Variants in PCDHGC5 observed in about 807,000 individuals in gnomAD.
The protein encoded by PCDHGC5 is protocadherin gamma-C5.
A neutral mutation model predicts 59.0 loss-of-function variants in PCDHGC5; 25 were observed. That is an observed-to-expected ratio of 0.42 (90% confidence interval 0.31 to 0.59). The LOEUF (loss-of-function observed/expected upper bound fraction) is 0.59. PCDHGC5 is among the 20% of genes least tolerant of loss of function. The pLI, the probability that PCDHGC5 is intolerant of heterozygous loss-of-function variation, is 0.13. For synonymous variants in PCDHGC5, 434 were observed against 505.5 expected, an observed-to-expected ratio of 0.86 and a Z score of 1.90; for missense variants, 1,067 against 1,206.4, an observed-to-expected ratio of 0.88 and a Z score of 1.71.
chr5:141,490,793 C>T lies in PCDHGC5; in HGVS notation c.1553C>T (p.Ala518Val), dbSNP rs2233608. 6 of 1,613,812 alleles carry T rather than the reference C, an allele frequency of 3.7e-6. No homozygotes were observed. The East Asian group carries it at 1.3e-4, about 36-fold the overall frequency. The change falls in exon 1 of 4, where the codon GCC (alanine) becomes GTC (valine). Residue 518 changes from alanine to valine, a missense_variant. Transcript: ENST00000252087. This position sits in a 1 kb window ranked among gnomAD's most constrained non-coding sequence, Gnocchi z 5.4. Reference sequence around the variant, plus strand: ...AACCCAGAGGATGGACGGATCTTTGCCCAGCGTACCTTTGACTATGAATTG... The same window carrying T: ...AACCCAGAGGATGGACGGATCTTTGTCCAGCGTACCTTTGACTATGAATTG... Reference protein sequence around the residue: ...YVNPEDGRIFAQRTFDYELLQ... With the variant: ...YVNPEDGRIFVQRTFDYELLQ...
At chr5:141,504,545 TGTTGGGGG>T in intron 2 of PCDHGC5, among the ~76,000 whole-genome samples, 1 of 151,524 alleles carries the variant, frequency 6.6e-6, no homozygotes, top group South Asian at 2.1e-4. Flanking sequence ...TCATGGCAAA[TGTTGGGGG>T]ACTGGCATTC....
intron 2 of PCDHGC5, among the ~76,000 whole-genome samples, chr5:141,497,006 T>C (rs947830895): frequency 1.3e-5 from 2 of 151,678 alleles, no homozygotes; most frequent in South Asian, 2.1e-4. Context: ...GCAGCCAACA[T>C]GGTGAAACCC....
At position 141,505,417 on chromosome 5, in the gene PCDHGC5, C is replaced by T; in HGVS notation, c.2544C>T (p.Gly848=). The change falls in exon 3 of 4, where the codon GGC becomes GGT. Residue 848 remains glycine, a synonymous_variant. Coordinates refer to ENST00000252087, the MANE Select transcript of PCDHGC5 (RefSeq NM_018929.3). ...TSGSQNGDDT[G]TWPNNQFDTE... is the part of the protein sequence containing the mutation. ...GCTCCCAAAATGGCGATGACACCGG[C>T]ACCTGGCCCAACAACCAGTTTGACA... 1 of 1,614,212 alleles carries T rather than the reference C, an allele frequency of 6.2e-7. No individual in the cohort carries two copies. Among genetic ancestry groups the T allele is most frequent in the Non-Finnish European group, 8.5e-7 (1 of 1,180,024 alleles).
Position 141,511,983 on chromosome 5 carries a change from G to C in PCDHGC5, c.*810G>C, listed in dbSNP as rs904146751. On this transcript the variant is annotated 3_prime_UTR_variant, in exon 4 of 4. Coordinates refer to ENST00000252087, the MANE Select transcript of PCDHGC5 (RefSeq NM_018929.3). ...AGGGAAGTGTGTGGATGTGGATGGT[G>C]GGGGCATGGACAAAGCTTGACACAT... 6.5e-6 allele frequency: 1 copy of C among 153,280 alleles called. No individual in the cohort carries two copies. The allele number at this position is 153,280 out of a possible 1,614,324, so 9.5% of individuals were successfully genotyped here.
Position 141,510,957 on chromosome 5 carries a change from T to C in PCDHGC5, c.2619T>C (p.Asp873=), listed in dbSNP as rs372617587. ...MILASASEAA[D]GSSTLGGGAG... ...CCTCTGTCTCTGCAGAAGCTGCTGA[T>C]GGGAGCTCCACCCTGGGAGGGGGTG... Residue 873 remains aspartate, a synonymous_variant, in exon 4 of 4, where the codon GAT becomes GAC. Transcript: ENST00000252087. 2.5e-6 allele frequency: 4 copies of C among 1,614,134 alleles called. No individual in the cohort carries two copies. The highest frequency in any genetic ancestry group is 3.4e-6 in the Non-Finnish European group (4 of 1,180,004).
chr5:141,509,595 C>T (rs968797923), intron 3 of PCDHGC5, among the ~76,000 whole-genome samples: 36 of 152,168 alleles, frequency 2.4e-4, no homozygotes, highest in African/African-American at 6.8e-4. Context: ...CTGGCAATTC[C>T]GAGAGGCTGC....
Position 141,491,906 on chromosome 5 carries a change from T to A in PCDHGC5, c.2460+206T>A, listed in dbSNP as rs1490050332. On this transcript the variant is annotated intron_variant, in intron 1 of 3. Transcript: ENST00000252087. The surrounding 1 kb of genome is among the most constrained non-coding windows in gnomAD (Gnocchi z 6.9). ...ATGGGGCTCCGAGCACCGGGGGTGG[T>A]GGCGACTGTGGGCGAGGGGAGGTGG... is the stretch of plus-strand genomic sequence containing the variant. 7.1e-7 allele frequency: 1 copy of A among 1,414,468 alleles called. No individual in the cohort carries two copies. Among genetic ancestry groups the A allele is most frequent in the African/African-American group, 1.4e-5 (1 of 69,002 alleles). 87.6% of individuals were successfully genotyped at this position (1,414,468 alleles called of 1,614,324 possible).
chr5:141,494,781 C>T, intron 1 of PCDHGC5, 26 bp from the exon 2 acceptor site: 1 of 1,614,074 alleles, frequency 6.2e-7, no homozygotes, highest in African/African-American at 1.3e-5. Flanking sequence ...GGGTACTCAG[C>T]CCCTTTCCCT....
At chr5:141,492,705 C>T (rs2099743225) in intron 1 of PCDHGC5, among the ~76,000 whole-genome samples, 1 of 152,258 alleles carries the variant, frequency 6.6e-6, no homozygotes, top group South Asian at 2.1e-4. Flanking sequence ...ACCCAGAAGC[C>T]TCGAGCAGGC....
At chr5:141,500,436 C>G (rs1318326111) in intron 2 of PCDHGC5, among the ~76,000 whole-genome samples, 2 of 151,836 alleles carry the variant, frequency 1.3e-5, no homozygotes, top group African/African-American at 2.4e-5. Flanking sequence ...GTCTCGATCT[C>G]CTGACCTCGT....
Position 141,491,586 on chromosome 5 carries a change from G to T in PCDHGC5, c.2346G>T (p.Ser782=), listed in dbSNP as rs373990387. ...ACAGGACGTGCTTTTCACCGGCCTC[G>T]GACGGCAGTGACTTCACTTTTCTAA... The part of the protein sequence containing the change: ...HCYRTCFSPA[S]DGSDFTFLRP... Residue 782 remains serine (S), a synonymous_variant, in exon 1 of 4, where the codon TCG becomes TCT. Transcript: ENST00000252087. This position sits in a 1 kb window ranked among gnomAD's most constrained non-coding sequence, Gnocchi z 6.9. 2.1e-5 allele frequency: 34 copies of T among 1,613,792 alleles called. No individual in the cohort carries two copies. In the African/African-American group the frequency reaches 2.4e-4, roughly 11 times the overall value.
intron 2 of PCDHGC5, among the ~76,000 whole-genome samples, chr5:141,501,771 G>A (rs957546749): frequency 7.2e-5 from 11 of 152,118 alleles, no homozygotes; most frequent in African/African-American, 2.7e-4. Context: ...GGTTAAAAAA[G>A]AGGTCTCTCT....
rs771124496 is a variant in PCDHGC5, at chr5:141,489,457, C to A, written c.217C>A (p.Arg73Ser). The A allele has an allele frequency of 6.2e-7, 1 of 1,613,882 alleles. No homozygotes were observed. The highest frequency in any genetic ancestry group is 8.5e-7 in the Non-Finnish European group (1 of 1,179,984). ...RLQLGSEENG[R>S]YFSLSLMSGA... is the part of the protein sequence containing the mutation. ...GCAATTGGGCTCTGAGGAGAATGGG[C>A]GCTATTTTTCCCTGAGCTTGATGAG... Residue 73 changes from arginine (R) to serine (S), a missense_variant, in exon 1 of 4, where the codon CGC (arginine) becomes AGC (serine). Coordinates refer to ENST00000252087, the MANE Select transcript of PCDHGC5 (RefSeq NM_018929.3). This position sits in a 1 kb window ranked among gnomAD's most constrained non-coding sequence, Gnocchi z 4.5.
chr5:141,496,663 G>A (rs2099770279), intron 2 of PCDHGC5, among the ~76,000 whole-genome samples: 1 of 152,196 alleles, frequency 6.6e-6, no homozygotes, highest in Admixed American at 6.5e-5. Context: ...GACCCCAGCT[G>A]TTGTCCTTCT....
Position 141,489,087 on chromosome 5 carries a change from T to TCAAA in PCDHGC5, c.-154_-153insCAAA. 4.6e-6 allele frequency: 1 copy of TCAAA among 216,106 alleles called. No individual in the cohort carries two copies. The highest frequency in any genetic ancestry group is 8.4e-6 in the Non-Finnish European group (1 of 118,736). The allele number at this position is 216,106 out of a possible 1,614,324, so 13.4% of individuals were successfully genotyped here. On this transcript the variant is annotated 5_prime_UTR_variant, in exon 1 of 4. Coordinates refer to ENST00000252087, the MANE Select transcript of PCDHGC5 (RefSeq NM_018929.3). This position sits in a 1 kb window ranked among gnomAD's most constrained non-coding sequence, Gnocchi z 4.5. The stretch of plus-strand genomic sequence containing the variant: ...CCCCCTGCCCACCCCCGCCACTCGG[T>TCAAA]GACTAAGAACTGCTGCAAGCAGGCA...
At chr5:141,495,015 G>C in intron 2 of PCDHGC5, 150 bp downstream of exon 2, 2 of 1,507,428 alleles carry the variant, frequency 1.3e-6, no homozygotes, top group East Asian at 4.9e-5. Flanking sequence ...CGGGGGGCTG[G>C]CACACAGACC....
intron 2 of PCDHGC5, among the ~76,000 whole-genome samples, chr5:141,501,102 C>G (rs951290710): frequency 2.0e-5 from 3 of 152,014 alleles, no homozygotes; most frequent in African/African-American, 4.8e-5. Flanking sequence ...CTCTTGACCT[C>G]GTGATCCGCC....
At position 141,491,222 on chromosome 5, in the gene PCDHGC5, C is replaced by A. The variant is rs1185734506; in HGVS notation, c.1982C>A (p.Thr661Lys). 6.2e-7 allele frequency: 1 copy of A among 1,614,268 alleles called. No homozygotes were observed. Among genetic ancestry groups the A allele is most frequent in the East Asian group, 2.2e-5 (1 of 44,892 alleles). The change falls in exon 1 of 4, where the codon ACA becomes AAA. Residue 661 changes from threonine to lysine, a missense_variant. Transcript: ENST00000252087. This position sits in a 1 kb window ranked among gnomAD's most constrained non-coding sequence, Gnocchi z 6.9. ...NGDPSLSSTA[T>K]VLLVLEDEDP... Reference sequence around the variant, plus strand: ...GACCCTTCACTCTCCTCCACAGCCACAGTGCTGCTGGTTCTGGAGGATGAG... The same window carrying A: ...GACCCTTCACTCTCCTCCACAGCCAAAGTGCTGCTGGTTCTGGAGGATGAG...
chr5:141,509,513 T>C (rs2099877131), intron 3 of PCDHGC5, among the ~76,000 whole-genome samples: 2 of 152,068 alleles, frequency 1.3e-5, no homozygotes, highest in Non-Finnish European at 2.9e-5. Flanking sequence ...ACGGTGTTGA[T>C]GATGTATTGC....
Sources: gnomAD v4.1 joint callset for allele counts (sites outside exome capture counted in the v4.1 genomes callset) on GRCh38, gnomAD v4.1.1 for gene constraint, Gnocchi (gnomAD v3.1) non-coding constraint, MANE v1.5 for transcripts, NCBI Gene and HGNC (gene_info 2026-07-23, HGNC 2026-07-21) for gene names.